SUN1: variants seen among roughly 807,000 people sequenced by gnomAD.
SUN1 encodes the protein Sad1 and UNC84 domain containing 1, also known as SUN domain-containing protein 1.
SUN1 carries 61 observed loss-of-function variants against 103.2 expected under a neutral mutation model. That is an observed-to-expected ratio of 0.59 (90% CI 0.48 to 0.73). The LOEUF (loss-of-function observed/expected upper bound fraction) is 0.73. Ranked by LOEUF, SUN1 falls within the 30% of genes least tolerant of loss-of-function variation. The pLI is 0.00. For synonymous variants in SUN1, 490 were observed against 425.7 expected (o/e 1.15, Z -1.86); for missense variants, 1,052 against 1,034.6 (o/e 1.02, Z -0.23).
At chr7:815,951 G>A (rs79860984), upstream of SUN1, 1,238 of 206,094 alleles carry the variant, frequency 6.0e-3, 22 homozygotes, top group African/African-American at 0.027. Flanking sequence ...CGGAAGTGGG[G>A]GCTGCCTCCC....
chr7:849,696 C>A (rs182878680), intron 5 of SUN1: 2 of 1,367,276 alleles, frequency 1.5e-6, no homozygotes, highest in Admixed American at 1.7e-5. Context: ...ATGAACGGCC[C>A]GTGTGACATG....
chr7:861,907 C>T (rs1347240193), intron 15 of SUN1, among the ~76,000 whole-genome samples: 1 of 152,250 alleles, frequency 6.6e-6, no homozygotes, highest in African/African-American at 2.4e-5. Flanking sequence ...CAGAGAAATA[C>T]AAAGGCCGCT....
At chr7:820,652 A>G (rs1013207856) in intron 1 of SUN1, among the ~76,000 whole-genome samples, 1 of 152,192 alleles carries the variant, frequency 6.6e-6, no homozygotes, top group African/African-American at 2.4e-5. Context: ...ATCTTAGGTG[A>G]AAAATTTGAA....
chr7:868,110 G>A (rs1328653616), intron 16 of SUN1, among the ~76,000 whole-genome samples: 3 of 152,218 alleles, frequency 2.0e-5, no homozygotes, highest in Non-Finnish European at 4.4e-5. Flanking sequence ...AGGAGAAGCC[G>A]GCGGGTACGT....
At chr7:817,294 C>A in intron 1 of SUN1, 1 of 843,886 alleles carries the variant, frequency 1.2e-6, no homozygotes, top group South Asian at 1.5e-5. Context: ...GTGGTCTCTC[C>A]ATGCTGCCCA....
At chr7:860,413 T>C (rs1831277185) in intron 14 of SUN1, 31 bp downstream of exon 14, 1 of 1,606,642 alleles carries the variant, frequency 6.2e-7, no homozygotes, top group African/African-American at 1.3e-5. Context: ...CAAGAGATGC[T>C]TACAGTCCAT....
rs114238117 is a variant in SUN1, at chr7:839,341, A to C, written c.266+355A>C. ...CCTACCACATGTGTAAAGAGGAAGGAATCTTACAGATTACACATGCTGTCG... is the reference window on the plus strand; with the variant it reads ...CCTACCACATGTGTAAAGAGGAAGGCATCTTACAGATTACACATGCTGTCG... On this transcript the variant is annotated intron_variant, in intron 2 of 18. Transcript: ENST00000401592. Among the ~76,000 whole-genome samples the C allele has an allele frequency of 3.6e-3, 553 of 152,350 alleles. 3 individuals carry two copies. The highest frequency in any genetic ancestry group is 0.013 in the African/African-American group (527 of 41,578).
intron 15 of SUN1, among the ~76,000 whole-genome samples, chr7:862,906 C>G (rs184834217): frequency 6.6e-6 from 1 of 152,300 alleles, no homozygotes; most frequent in East Asian, 1.9e-4. Context: ...AATCCCAGCA[C>G]TTTAGGAGAC....
Position 860,346 on chromosome 7 carries a change from T to C in SUN1, c.1743T>C (p.Ala581=), listed in dbSNP as rs1831200340. 2 of 1,614,042 alleles carry C rather than the reference T, an allele frequency of 1.2e-6. No individual in the cohort carries two copies. The highest frequency in any genetic ancestry group is 2.7e-5 in the African/African-American group (2 of 74,938). ...QLPTSEAVVS[A]VSEAGASGIT... ...CAACCTCAGAAGCCGTGGTGTCTGC[T>C]GTGAGCGAGGCGGGGGCGTCTGGAA... The change falls in exon 14 of 19, where the codon GCT becomes GCC. Residue 581 remains alanine, a synonymous_variant. Coordinates refer to ENST00000401592, the MANE Select transcript of SUN1 (RefSeq NM_001130965.3).
intron 13 of SUN1, among the ~76,000 whole-genome samples, chr7:858,920 G>A (rs1279038433): frequency 6.6e-6 from 1 of 152,156 alleles, no homozygotes; most frequent in Non-Finnish European, 1.5e-5. Context: ...TCTGGAGGCC[G>A]AGGTGGGCGG....
chr7:857,573 A>G (rs1312574085), intron 12 of SUN1, among the ~76,000 whole-genome samples: 1 of 152,240 alleles, frequency 6.6e-6, no homozygotes, highest in Admixed American at 6.5e-5. Flanking sequence ...CACTGCTAGC[A>G]GCACTTTTGT....
At chr7:829,548 G>GT (rs59608102), upstream of SUN1, among the ~76,000 whole-genome samples, 64,902 of 143,676 alleles carry the variant, frequency 0.45, 14,572 homozygotes, top group East Asian at 0.52. Flanking sequence ...AAAATAACTG[G>GT]TTTTTTTTTT....
At chr7:847,128 C>T (rs373991523) in intron 5 of SUN1, among the ~76,000 whole-genome samples, 1 of 152,218 alleles carries the variant, frequency 6.6e-6, no homozygotes, top group Non-Finnish European at 1.5e-5. Context: ...ATCTGAATGT[C>T]GTAGTGTATG....
At chr7:866,449 G>A (rs979501127) in intron 16 of SUN1, among the ~76,000 whole-genome samples, 1 of 152,056 alleles carries the variant, frequency 6.6e-6, no homozygotes, top group African/African-American at 2.4e-5. Flanking sequence ...ACAATAGGTG[G>A]GGAGGCCCTA....
At chr7:819,697 G>A (rs1222647053) in intron 1 of SUN1, among the ~76,000 whole-genome samples, 1 of 148,042 alleles carries the variant, frequency 6.8e-6, no homozygotes, top group African/African-American at 2.5e-5. Flanking sequence ...ATGTTTTTAT[G>A]CCAATGCCAC....
At chr7:817,669 T>C (rs1198241042) in intron 1 of SUN1, among the ~76,000 whole-genome samples, 1 of 152,210 alleles carries the variant, frequency 6.6e-6, no homozygotes, top group Non-Finnish European at 1.5e-5. Flanking sequence ...TATGAAGGCT[T>C]TTGTGTGTAA....
At chr7:864,277 G>C (rs576108094) in intron 15 of SUN1, among the ~76,000 whole-genome samples, 1 of 152,206 alleles carries the variant, frequency 6.6e-6, no homozygotes, top group Non-Finnish European at 1.5e-5. Context: ...GCCAGGTGTA[G>C]TGGCTCATGC....
Position 855,193 on chromosome 7 carries a change from T to C in SUN1, c.1350+187T>C, listed in dbSNP as rs7785776. 0.78 allele frequency among the ~76,000 whole-genome samples: 118,166 copies of C among 152,188 alleles called. 46,019 individuals are homozygous for C. Among genetic ancestry groups the C allele is most frequent in the Admixed American group, 0.83 (12,724 of 15,292 alleles). On this transcript the variant is annotated intron_variant, in intron 11 of 18. Transcript: ENST00000401592. ...TCTGGGGCTCTAACATTGAATCGGGTGTGTAACTCACGCATCCCCGTGTCT... is the reference window on the plus strand; with the variant it reads ...TCTGGGGCTCTAACATTGAATCGGGCGTGTAACTCACGCATCCCCGTGTCT...
chr7:828,417 G>A (rs573281598), upstream of SUN1, among the ~76,000 whole-genome samples: 17 of 150,750 alleles, frequency 1.1e-4, no homozygotes, highest in Admixed American at 2.0e-4. Context: ...GATTACAGGC[G>A]CCCGCCACCA....
Sources: allele counts gnomAD v4.1 joint callset (sites outside exome capture counted in the v4.1 genomes callset), GRCh38; gene constraint gnomAD v4.1.1; transcripts MANE v1.5; gene names NCBI Gene and HGNC (gene_info 2026-07-23, HGNC 2026-07-21).